The following TMEM132D variants were observed in gnomAD, a reference collection of about 807,000 sequenced individuals.
TMEM132D encodes the protein transmembrane protein 132D.
In TMEM132D, 21 loss-of-function variants were observed where a neutral mutation model predicts 62.3. That is an observed-to-expected ratio of 0.34 (90% confidence interval 0.24 to 0.49). TMEM132D has a LOEUF of 0.49. Among genes scored for constraint, TMEM132D ranks in the 20% least tolerant of loss-of-function variants. The pLI, the probability that TMEM132D is intolerant of heterozygous loss-of-function variation, is 0.99. For synonymous variants in TMEM132D, 621 were observed against 575.6 expected, an observed-to-expected ratio of 1.08 and a Z score of -1.13; for missense variants, 1,346 against 1,402.8, an observed-to-expected ratio of 0.96 and a Z score of 0.65.
chr12:129,651,983 T>C (rs965378304), intron 2 of TMEM132D, among the ~76,000 whole-genome samples: 3 of 152,178 alleles, frequency 2.0e-5, no homozygotes, highest in African/African-American at 7.2e-5. Context: ...AGGTAACCTT[T>C]AGTCCCAGGC....
chr12:129,147,099 T>C (rs146318602), intron 5 of TMEM132D, among the ~76,000 whole-genome samples: 141 of 152,192 alleles, frequency 9.3e-4, no homozygotes, highest in African/African-American at 3.2e-3. Flanking sequence ...TTGACCCAGA[T>C]TCAACTGCCA....
intron 2 of TMEM132D, among the ~76,000 whole-genome samples, chr12:129,594,197 G>A (rs955679074): frequency 6.6e-6 from 1 of 152,140 alleles, no homozygotes; most frequent in Non-Finnish European, 1.5e-5. Flanking sequence ...CAGAAGTGGG[G>A]TTAAAAGCTT....
chr12:129,414,664 C>G (rs1447451792), intron 3 of TMEM132D, among the ~76,000 whole-genome samples: 2 of 152,214 alleles, frequency 1.3e-5, no homozygotes, highest in African/African-American at 2.4e-5. Flanking sequence ...GGTAAGAACA[C>G]TTGAGATGTC....
At chr12:129,307,942 C>T (rs905921733) in intron 4 of TMEM132D, among the ~76,000 whole-genome samples, 1 of 152,216 alleles carries the variant, frequency 6.6e-6, no homozygotes, top group Admixed American at 6.5e-5. Flanking sequence ...AGTCTAGACA[C>T]CATCTCCAAA....
At chr12:129,511,474 G>A (rs929231654) in intron 3 of TMEM132D, among the ~76,000 whole-genome samples, 3 of 152,182 alleles carry the variant, frequency 2.0e-5, no homozygotes, top group African/African-American at 7.2e-5. Context: ...TACTATGAAT[G>A]TGCAAGTATA....
At chr12:129,642,915 C>T (rs1424696918) in intron 2 of TMEM132D, among the ~76,000 whole-genome samples, 1 of 131,738 alleles carries the variant, frequency 7.6e-6, no homozygotes. Context: ...AAAGAATTTA[C>T]AAATCTTTTT....
intron 1 of TMEM132D, among the ~76,000 whole-genome samples, chr12:129,869,701 G>A (rs1479677547): frequency 6.6e-6 from 1 of 152,144 alleles, no homozygotes; most frequent in African/African-American, 2.4e-5. Flanking sequence ...TTTTGTCTGA[G>A]TTAGGAGCAA....
intron 3 of TMEM132D, among the ~76,000 whole-genome samples, chr12:129,358,402 T>C (rs1593350162): frequency 6.6e-6 from 1 of 152,336 alleles, no homozygotes; most frequent in Non-Finnish European, 1.5e-5. Context: ...GACTGGCTCC[T>C]GGGCGCTGAT....
At chr12:129,237,271 A>G (rs529256219) in intron 4 of TMEM132D, among the ~76,000 whole-genome samples, 2 of 152,248 alleles carry the variant, frequency 1.3e-5, no homozygotes, top group South Asian at 2.1e-4. Flanking sequence ...GTCATGCCCT[A>G]TCTTCCCTGA....
chr12:129,095,363 T>C (rs1310269293), intron 5 of TMEM132D, among the ~76,000 whole-genome samples: 2 of 147,820 alleles, frequency 1.4e-5, no homozygotes, highest in East Asian at 4.0e-4. Context: ...TTTTTTTTTT[T>C]TTTTGAGACG....
At chr12:129,164,493 T>C (rs552374591) in intron 5 of TMEM132D, among the ~76,000 whole-genome samples, 4 of 152,230 alleles carry the variant, frequency 2.6e-5, no homozygotes, top group Admixed American at 2.0e-4. Flanking sequence ...TACCCAGCTG[T>C]ATTGGTCCAT....
chr12:129,375,743 T>C (rs1269208163), intron 3 of TMEM132D, among the ~76,000 whole-genome samples: 1 of 152,138 alleles, frequency 6.6e-6, no homozygotes, highest in African/African-American at 2.4e-5. Flanking sequence ...CCCAGAAGTA[T>C]TGATTTCATT....
chr12:129,419,237 C>T (rs1384018734), intron 3 of TMEM132D, among the ~76,000 whole-genome samples: 3 of 152,148 alleles, frequency 2.0e-5, no homozygotes, highest in Non-Finnish European at 4.4e-5. Flanking sequence ...TCTCCATGTT[C>T]TTGGGGGTGG....
rs186359065 is a variant in TMEM132D at position 129,698,305 on chromosome 12, C to T, written c.968+1505G>A. ...GTACCCTAAATCCCTGCGGCTATTC[C>T]GCGAATGGCACGTCCAGCCAGGCCA... On this transcript the variant is annotated intron_variant, in intron 2 of 8. Coordinates refer to ENST00000422113, the MANE Select transcript of TMEM132D (RefSeq NM_133448.3). 38 of 151,682 alleles carry T rather than the reference C, an allele frequency of 2.5e-4. No homozygotes were observed. In the East Asian group the frequency reaches 6.4e-3, roughly 25 times the overall value. The allele number at this position is 151,682 out of a possible 1,614,324, so 9.4% of individuals were successfully genotyped here.
intron 5 of TMEM132D, among the ~76,000 whole-genome samples, chr12:129,205,414 T>TAA (rs147922931): frequency 2.5e-4 from 35 of 139,930 alleles, no homozygotes; most frequent in African/African-American, 7.6e-4. Context: ...CCAACAAAGA[T>TAA]AAAAAAAAGA....
intron 5 of TMEM132D, among the ~76,000 whole-genome samples, chr12:129,200,654 C>T (rs757417651): frequency 2.6e-5 from 4 of 152,154 alleles, no homozygotes; most frequent in African/African-American, 4.8e-5. Flanking sequence ...GGGGGCTGTC[C>T]CTGTGGCTGC....
chr12:129,742,485 G>A (rs895723891), intron 1 of TMEM132D, among the ~76,000 whole-genome samples: 2 of 152,082 alleles, frequency 1.3e-5, no homozygotes, highest in East Asian at 1.9e-4. Context: ...TGATCTAAAC[G>A]TCTCCCATCA....
intron 4 of TMEM132D, among the ~76,000 whole-genome samples, chr12:129,251,601 G>A (rs1161517553): frequency 6.6e-6 from 1 of 152,150 alleles, no homozygotes; most frequent in Non-Finnish European, 1.5e-5. Context: ...TAGGTTAGAG[G>A]AGTTGCATGC....
Position 129,833,582 on chromosome 12 carries a change from G to A in TMEM132D, c.79+69679C>T, listed in dbSNP as rs116335241. ...CGAGGCTGCTGTGAGCTGTGATCAC[G>A]CCACTGTTCTCCAGCCTGGGCAACA... is the stretch of plus-strand genomic sequence containing the variant. On this transcript the variant is annotated intron_variant, in intron 1 of 8. Coordinates refer to ENST00000422113, the MANE Select transcript of TMEM132D (RefSeq NM_133448.3). 7.9e-3 allele frequency among the ~76,000 whole-genome samples: 1,210 copies of A among 152,224 alleles called. 13 individuals are homozygous for A. The highest frequency in any genetic ancestry group is 0.024 in the African/African-American group (1,002 of 41,514).
Sources: allele counts gnomAD v4.1 joint callset (sites outside exome capture counted in the v4.1 genomes callset), GRCh38; gene constraint gnomAD v4.1.1; transcripts MANE v1.5; gene names NCBI Gene and HGNC (gene_info 2026-07-23, HGNC 2026-07-21).